DLGAP2: variants seen among roughly 807,000 people sequenced by gnomAD.
DLGAP2 encodes the protein DLG associated protein 2, also known as disks large-associated protein 2.
In DLGAP2, 26 loss-of-function variants were observed where a neutral mutation model predicts 100.3. The observed-to-expected ratio is 0.26, with a 90% CI of 0.19 to 0.36. The LOEUF is 0.36. DLGAP2 is among the 10% of genes least tolerant of loss of function. The pLI is 1.00. For synonymous variants in DLGAP2, 886 were observed against 630.1 expected (o/e 1.41, Z -6.08); for missense variants, 1,858 against 1,453.2 (o/e 1.28, Z -4.53).
rs1199290028 is a variant in DLGAP2 at position 1,701,948 on chromosome 8, T to G, written c.*542T>G. 1.3e-5 allele frequency: 2 copies of G among 152,414 alleles called. No individual in the cohort carries two copies. The highest frequency in any genetic ancestry group is 4.8e-5 in the African/African-American group (2 of 41,424). 9.4% of individuals were successfully genotyped at this position (152,414 alleles called of 1,614,324 possible). A position where few individuals can be genotyped will look rare whatever the true frequency, so the allele number is the denominator to read the frequency against. On this transcript the variant is annotated 3_prime_UTR_variant, in exon 15 of 15. Coordinates refer to ENST00000637795, the MANE Select transcript of DLGAP2 (RefSeq NM_001346810.2). ...ACGGGCCGCTCCGCTCCCCTGCTCC[T>G]GTCTGTCTCGGACAGAAAACACGAG...
chr8:1,004,784 G>T (rs1801058401), intron 2 of DLGAP2, among the ~76,000 whole-genome samples: 2 of 152,210 alleles, frequency 1.3e-5, no homozygotes, highest in South Asian at 4.1e-4. Context: ...TCTGCCCTTG[G>T]TGGAGAGACC....
At chr8:1,446,312 C>A (rs1258311654) in intron 3 of DLGAP2, among the ~76,000 whole-genome samples, 1 of 151,996 alleles carries the variant, frequency 6.6e-6, no homozygotes, top group Non-Finnish European at 1.5e-5. Flanking sequence ...CTACATATGG[C>A]TAGCCAGTTT....
intron 2 of DLGAP2, among the ~76,000 whole-genome samples, chr8:1,243,188 C>G (rs1798835381): frequency 6.6e-6 from 1 of 152,212 alleles, no homozygotes; most frequent in Non-Finnish European, 1.5e-5. Flanking sequence ...TAAGTGGACA[C>G]ACCAGGGGAG....
Position 1,668,464 on chromosome 8 carries a change from G to T in DLGAP2, c.1946G>T (p.Arg649Met). The change falls in exon 9 of 15, where the codon AGG (arginine) becomes ATG (methionine). Residue 649 changes from arginine to methionine, a missense_variant. Physicochemically the swap from Arg to Met is moderately conservative, Grantham distance 91 (BLOSUM62 -1). Coordinates refer to ENST00000637795, the MANE Select transcript of DLGAP2 (RefSeq NM_001346810.2). ...QDAYQDSRAQ[R>M]MSPWPQDSRG... is the part of the protein sequence containing the mutation. ...GCCTACCAGGACAGCCGCGCACAGA[G>T]GATGTCCCCGTGGCCCCAGGACAGC... 6.3e-7 allele frequency: 1 copy of T among 1,594,980 alleles called. No homozygotes were observed. Among genetic ancestry groups the T allele is most frequent in the African/African-American group, 1.3e-5 (1 of 74,414 alleles).
At chr8:1,479,165 C>T (rs943131820) in intron 3 of DLGAP2, among the ~76,000 whole-genome samples, 10 of 152,254 alleles carry the variant, frequency 6.6e-5, no homozygotes, top group African/African-American at 2.4e-4. Context: ...CTTCAGCGGC[C>T]TTGAAAGGAG....
At chr8:1,239,615 T>TTC in intron 2 of DLGAP2, among the ~76,000 whole-genome samples, 1 of 65,860 alleles carries the variant, frequency 1.5e-5, no homozygotes, top group Non-Finnish European at 2.8e-5. Flanking sequence ...CCGTGTCTAG[T>TTC]TCTCTCACAT....
intron 1 of DLGAP2, among the ~76,000 whole-genome samples, chr8:873,853 C>G (rs948489395): frequency 1.3e-5 from 2 of 152,124 alleles, no homozygotes; most frequent in Non-Finnish European, 2.9e-5. Flanking sequence ...TGGGCCTGAG[C>G]TTTTCTTTGG....
At position 912,740 on chromosome 8, in the gene DLGAP2, G is replaced by T. The variant is rs146505892; in HGVS notation, c.73+4774G>T. ...GTGGAGCTGACCCCTGCGCTATGGT[G>T]CCCACGTTCCTCTCTGTGGAGCTGA... On this transcript the variant is annotated intron_variant, in intron 2 of 14. Transcript: ENST00000637795. Among the ~76,000 whole-genome samples the T allele has an allele frequency of 3.3e-3, 483 of 144,560 alleles. 1 individual carries two copies. Among genetic ancestry groups the T allele is most frequent in the Admixed American group, 8.0e-3 (116 of 14,422 alleles). 94.8% of individuals were successfully genotyped at this position (144,560 alleles called of 152,430 possible).
rs117449940 is a variant in DLGAP2, at chr8:1,166,122, G to A, written c.74-92729G>A. Among the ~76,000 whole-genome samples the A allele has an allele frequency of 5.1e-3, 772 of 152,302 alleles. 3 individuals are homozygous for A. The highest frequency in any genetic ancestry group is 8.4e-3 in the Non-Finnish European group (572 of 68,026). On this transcript the variant is annotated intron_variant, in intron 2 of 14. Coordinates refer to ENST00000637795, the MANE Select transcript of DLGAP2 (RefSeq NM_001346810.2). Reference sequence around the variant, plus strand: ...GGTCATGGCACCTTAGCTACTCCGTGCCAGGGCATCAGCCCTGTCCTTCCC... The same window carrying A: ...GGTCATGGCACCTTAGCTACTCCGTACCAGGGCATCAGCCCTGTCCTTCCC...
intron 2 of DLGAP2, among the ~76,000 whole-genome samples, chr8:1,033,904 TCA>T: frequency 9.9e-6 from 1 of 100,880 alleles, no homozygotes; most frequent in South Asian, 4.1e-4. Context: ...GCGAGTGGAC[TCA>T]CACCCTCATC....
At chr8:1,221,766 A>C (rs1326206647) in intron 2 of DLGAP2, among the ~76,000 whole-genome samples, 3 of 152,138 alleles carry the variant, frequency 2.0e-5, no homozygotes, top group African/African-American at 7.2e-5. Flanking sequence ...TTACATTCTC[A>C]CATATTTCTC....
intron 1 of DLGAP2, among the ~76,000 whole-genome samples, chr8:893,829 G>T (rs1798085819): frequency 6.6e-6 from 1 of 152,236 alleles, no homozygotes; most frequent in African/African-American, 2.4e-5. Context: ...ACCCCCTTCG[G>T]CCAGCAGCAT....
chr8:927,214 T>G, intron 2 of DLGAP2: 2 of 985,436 alleles, frequency 2.0e-6, no homozygotes, highest in Non-Finnish European at 2.4e-6. Context: ...GAACGCTGTT[T>G]ATAGAACATG....
intron 14 of DLGAP2, 26 bp from the exon 15 acceptor site, chr8:1,701,162 C>T (rs1405769399): frequency 6.5e-7 from 1 of 1,548,062 alleles, no homozygotes; most frequent in Non-Finnish European, 8.7e-7. Flanking sequence ...GAGCACCTGC[C>T]AACGGTGACT....
At chr8:1,212,860 C>G (rs1341027746) in intron 2 of DLGAP2, among the ~76,000 whole-genome samples, 1 of 145,696 alleles carries the variant, frequency 6.9e-6, no homozygotes, top group Non-Finnish European at 1.5e-5. Context: ...CTCATCTTCT[C>G]AAAAACATCA....
intron 2 of DLGAP2, among the ~76,000 whole-genome samples, chr8:1,206,084 G>C (rs1266074535): frequency 1.3e-5 from 2 of 152,200 alleles, no homozygotes; most frequent in Non-Finnish European, 2.9e-5. Flanking sequence ...TGAGCATTTA[G>C]AAATCATGTT....
chr8:1,059,867 G>T (rs73540063), intron 2 of DLGAP2, among the ~76,000 whole-genome samples: 8,156 of 152,146 alleles, frequency 0.054, 352 homozygotes, highest in East Asian at 0.15. Context: ...GCAGAGAGTC[G>T]GGGGCGGTCG....
At chr8:920,379 G>A (rs1459598905) in intron 2 of DLGAP2, among the ~76,000 whole-genome samples, 2 of 152,240 alleles carry the variant, frequency 1.3e-5, no homozygotes, top group Admixed American at 6.5e-5. Flanking sequence ...CCAGGTTCAA[G>A]GACTGTAGAA....
At chr8:1,626,645 G>A in intron 6 of DLGAP2, 95 bp from the exon 7 acceptor site, 1 of 1,478,734 alleles carries the variant, frequency 6.8e-7, no homozygotes, top group Non-Finnish European at 9.2e-7. Context: ...TGTGGTGGGT[G>A]CTCAGCCTCT....
Sources: allele counts gnomAD v4.1 joint callset (sites outside exome capture counted in the v4.1 genomes callset), GRCh38; gene constraint gnomAD v4.1.1; transcripts MANE v1.5; gene names NCBI Gene and HGNC (gene_info 2026-07-23, HGNC 2026-07-21).